The following SHROOM3 variants were observed in gnomAD, a reference collection of about 807,000 sequenced individuals.
SHROOM3 encodes the protein shroom family member 3, also known as protein Shroom3.
Under a neutral mutation model 138.6 loss-of-function variants are expected in SHROOM3, and 47 were observed. The ratio of observed to expected loss-of-function variants is 0.34; its 90% CI spans 0.27 to 0.43. The LOEUF (loss-of-function observed/expected upper bound fraction) is 0.43, where lower values mean the gene tolerates loss of function less well. Ranked by LOEUF, SHROOM3 falls within the 20% of genes least tolerant of loss-of-function variation. SHROOM3 has a pLI of 1.00. For missense variants in SHROOM3, 2,491 were observed against 2,596.5 expected (o/e 0.96, Z 0.88); for synonymous variants, 1,062 against 1,063.3 (o/e 1.00, Z 0.02).
intron 2 of SHROOM3, among the ~76,000 whole-genome samples, chr4:76,592,571 A>G (rs770880165): frequency 1.3e-5 from 2 of 152,216 alleles, no homozygotes; most frequent in East Asian, 1.9e-4. Flanking sequence ...TCTATCAGCT[A>G]AGAAGGTTCC....
In SHROOM3 at chr4:76,659,352, G is replaced by A. The variant is rs115659108; in HGVS notation, c.324-50804G>A. Among the ~76,000 whole-genome samples the A allele has an allele frequency of 2.7e-3, 408 of 152,302 alleles. 1 individual carries two copies. The highest frequency in any genetic ancestry group is 0.01 in the Middle Eastern group (3 of 294). ...TGCCAAGAGGCCAGGCCCCATGACT[G>A]AGTTCTTTACTCCCCCACCATCTAG... On this transcript the variant is annotated intron_variant, in intron 2 of 10. Coordinates refer to ENST00000296043, the MANE Select transcript of SHROOM3 (RefSeq NM_020859.4).
chr4:76,611,371 G>A (rs62300927), intron 2 of SHROOM3, among the ~76,000 whole-genome samples: 41,546 of 151,404 alleles, frequency 0.27, 7,171 homozygotes, highest in Middle Eastern at 0.46. Context: ...GAATTCAAAC[G>A]ATCTCGTTGT....
chr4:76,475,115 A>T (rs1731457973), intron 1 of SHROOM3, among the ~76,000 whole-genome samples: 1 of 152,152 alleles, frequency 6.6e-6, no homozygotes, highest in Non-Finnish European at 1.5e-5. Context: ...GAAATTTTTC[A>T]AAGGACTGGA....
chr4:76,598,171 C>T (rs1033402671), intron 2 of SHROOM3, among the ~76,000 whole-genome samples: 11 of 152,110 alleles, frequency 7.2e-5, no homozygotes, highest in Admixed American at 2.0e-4. Flanking sequence ...GGACTACAGG[C>T]GCCTGCCACC....
intron 2 of SHROOM3, among the ~76,000 whole-genome samples, chr4:76,657,420 T>C (rs539180424): frequency 1.2e-4 from 18 of 152,328 alleles, no homozygotes; most frequent in African/African-American, 3.4e-4. Context: ...TTTGTGACTT[T>C]TCCTCCTGGT....
At chr4:76,477,896 C>T (rs1211403650) in intron 1 of SHROOM3, among the ~76,000 whole-genome samples, 2 of 152,246 alleles carry the variant, frequency 1.3e-5, no homozygotes, top group Non-Finnish European at 2.9e-5. Flanking sequence ...CTCCCCTAGC[C>T]AAGGGAAGTC....
At chr4:76,470,021 T>C (rs1230078938) in intron 1 of SHROOM3, among the ~76,000 whole-genome samples, 1 of 151,996 alleles carries the variant, frequency 6.6e-6, no homozygotes, top group African/African-American at 2.4e-5. Flanking sequence ...TTAAACAATT[T>C]AAACAAAAAT....
chr4:76,530,203 T>C (rs1039165580), intron 1 of SHROOM3, among the ~76,000 whole-genome samples: 4 of 152,224 alleles, frequency 2.6e-5, no homozygotes, highest in Non-Finnish European at 5.9e-5. Flanking sequence ...AATAAATGAC[T>C]ACTGTTTCTG....
intron 2 of SHROOM3, among the ~76,000 whole-genome samples, chr4:76,575,152 A>C (rs966491316): frequency 6.6e-6 from 1 of 152,222 alleles, no homozygotes; most frequent in African/African-American, 2.4e-5. Flanking sequence ...CATGATAAAC[A>C]TCCCTTCATG....
chr4:76,604,732 T>G (rs1734580130), intron 2 of SHROOM3, among the ~76,000 whole-genome samples: 1 of 152,206 alleles, frequency 6.6e-6, no homozygotes, highest in South Asian at 2.1e-4. Context: ...GAAACAGAAA[T>G]AGCAGGGATG....
At chr4:76,688,482 T>G (rs977261457) in intron 2 of SHROOM3, 51 of 985,270 alleles carry the variant, frequency 5.2e-5, no homozygotes, top group Non-Finnish European at 5.9e-5. Context: ...CCTGGACATT[T>G]AACAACAGGG....
At chr4:76,616,368 G>A (rs11097446) in intron 2 of SHROOM3, among the ~76,000 whole-genome samples, 27,292 of 152,046 alleles carry the variant, frequency 0.18, 2,599 homozygotes, top group East Asian at 0.29. Context: ...CATGTTCATA[G>A]CAGCATTATT....
Position 76,562,731 on chromosome 4 carries a change from C to G in SHROOM3, c.323+6968C>G, listed in dbSNP as rs149169775. On this transcript the variant is annotated intron_variant, in intron 2 of 10. Coordinates refer to ENST00000296043, the MANE Select transcript of SHROOM3 (RefSeq NM_020859.4). Reference sequence around the variant, plus strand: ...TATTTCCTGAAAAAGCATCTACATTCTTAAAGCAGTTTGAGATTAACCACC... The same window carrying G: ...TATTTCCTGAAAAAGCATCTACATTGTTAAAGCAGTTTGAGATTAACCACC... Among the ~76,000 whole-genome samples the G allele has an allele frequency of 2.8e-3, 427 of 152,288 alleles. 1 individual carries two copies. The highest frequency in any genetic ancestry group is 4.3e-3 in the Non-Finnish European group (293 of 68,020).
chr4:76,523,439 G>A (rs1266943257), intron 1 of SHROOM3, among the ~76,000 whole-genome samples: 1 of 152,186 alleles, frequency 6.6e-6, no homozygotes, highest in African/African-American at 2.4e-5. Context: ...GAGGGAGGGT[G>A]TATAGGATGG....
At chr4:76,648,312 A>G (rs1735871687) in intron 2 of SHROOM3, among the ~76,000 whole-genome samples, 1 of 152,186 alleles carries the variant, frequency 6.6e-6, no homozygotes, top group South Asian at 2.1e-4. Context: ...TTGGTGACAG[A>G]GTGATATCTT....
At position 76,739,277 on chromosome 4, in the gene SHROOM3, C is replaced by G. The variant is rs950302332; in HGVS notation, c.1104C>G (p.Ser368=). ...PPSWSQQCPS[S]LETATDNLPP... Reference sequence around the variant, plus strand: ...CCTGGAGCCAGCAGTGCCCCAGTTCCTTGGAGACTGCCACGGACAACCTTC... The same window carrying G: ...CCTGGAGCCAGCAGTGCCCCAGTTCGTTGGAGACTGCCACGGACAACCTTC... Residue 368 remains serine (S), a synonymous_variant, in exon 5 of 11, where the codon TCC becomes TCG. Transcript: ENST00000296043. The G allele has an allele frequency of 2.5e-6, 4 of 1,613,934 alleles. No homozygotes were observed. The highest frequency in any genetic ancestry group is 3.3e-5 in the Admixed American group (2 of 60,008).
intron 2 of SHROOM3, chr4:76,638,803 CATCTT>C (rs1362984008): frequency 6.6e-6 from 1 of 152,162 alleles, no homozygotes; most frequent in Non-Finnish European, 1.5e-5. Flanking sequence ...GAAATGATCC[CATCTT>C]ATCTTTTCCT....
At chr4:76,697,749 A>G (rs1719785485) in intron 2 of SHROOM3, among the ~76,000 whole-genome samples, 1 of 152,190 alleles carries the variant, frequency 6.6e-6, no homozygotes. Context: ...GCCAATTGTA[A>G]TGTTTTTAAA....
intron 1 of SHROOM3, among the ~76,000 whole-genome samples, chr4:76,493,835 C>T (rs5020545): frequency 0.36 from 53,966 of 151,792 alleles, 10,339 homozygotes; most frequent in Non-Finnish European, 0.44. Context: ...AAAAATTAGC[C>T]GGGCATGGTG....
Sources: allele counts gnomAD v4.1 joint callset (sites outside exome capture counted in the v4.1 genomes callset), GRCh38; gene constraint gnomAD v4.1.1; transcripts MANE v1.5; gene names NCBI Gene and HGNC (gene_info 2026-07-23, HGNC 2026-07-21).